LGSN: variants seen among roughly 807,000 people sequenced by gnomAD.
The protein encoded by LGSN is lengsin, lens protein with glutamine synthetase domain.
A neutral mutation model predicts 19.5 loss-of-function variants in LGSN; 21 were observed. The ratio of observed to expected loss-of-function variants is 1.07; its 90% CI spans 0.76 to 1.55. The LOEUF is 1.55. Among genes scored for constraint, LGSN ranks in the 40% most tolerant of loss-of-function variants. The pLI, the probability that LGSN is intolerant of heterozygous loss-of-function variation, is 0.00. For missense variants in LGSN, 673 were observed against 608.5 expected (o/e 1.11, Z -1.12); for synonymous variants, 257 against 215.6 (o/e 1.19, Z -1.68).
chr6:63,444,911 G>T, the LGSN span, among the ~76,000 whole-genome samples: 1 of 152,192 alleles, frequency 6.6e-6, no homozygotes, highest in African/African-American at 2.4e-5. Context: ...AGGCTGGAAG[G>T]AGGGAAAGGA....
At chr6:63,465,766 G>C in the LGSN span, among the ~76,000 whole-genome samples, 3 of 152,032 alleles carry the variant, frequency 2.0e-5, no homozygotes, top group African/African-American at 7.2e-5. Context: ...CTTTCATAAA[G>C]TTATATTGAT....
the LGSN span, among the ~76,000 whole-genome samples, chr6:63,411,323 G>A: frequency 1.3e-5 from 2 of 152,180 alleles, no homozygotes; most frequent in Non-Finnish European, 1.5e-5. Flanking sequence ...AAAGGGGATA[G>A]CAGGTAAGGA....
chr6:63,564,451 G>C, the LGSN span, among the ~76,000 whole-genome samples: 11 of 152,128 alleles, frequency 7.2e-5, no homozygotes, highest in African/African-American at 2.7e-4. Context: ...GACTGTTGTA[G>C]CTTTTGTTAA....
At chr6:63,414,234 G>A in the LGSN span, among the ~76,000 whole-genome samples, 63 of 151,414 alleles carry the variant, frequency 4.2e-4, no homozygotes, top group Non-Finnish European at 7.1e-4. Flanking sequence ...TGCACCTGAG[G>A]TGCCAAAAAA....
the LGSN span, among the ~76,000 whole-genome samples, chr6:63,349,792 A>T: frequency 6.6e-6 from 1 of 152,210 alleles, no homozygotes; most frequent in Non-Finnish European, 1.5e-5. Context: ...GATGAGATGT[A>T]CTAACGACGT....
chr6:63,387,320 G>T, the LGSN span, among the ~76,000 whole-genome samples: 19 of 152,196 alleles, frequency 1.2e-4, no homozygotes, highest in Admixed American at 9.2e-4. Context: ...CATCGGTACT[G>T]AATACATAAC....
chr6:63,529,667 A>C, the LGSN span, among the ~76,000 whole-genome samples: 7 of 152,350 alleles, frequency 4.6e-5, no homozygotes, highest in South Asian at 1.2e-3. Context: ...GCATAAAATG[A>C]AAGTTAGAAA....
chr6:63,279,870 T>G lies in LGSN; in HGVS notation c.*151A>C. The G allele has an allele frequency of 1.4e-6, 1 of 709,364 alleles. No individual in the cohort carries two copies. The highest frequency in any genetic ancestry group is 2.4e-6 in the Non-Finnish European group (1 of 423,248). The allele number at this position is 709,364 out of a possible 1,614,324, so 43.9% of individuals were successfully genotyped here. ...CTTCTCAGCAGTCCTACTTCATCTG[T>G]CAAATATTCCATGGACAAAAAAAAA... On this transcript the variant is annotated 3_prime_UTR_variant, in exon 4 of 4. Coordinates refer to ENST00000370657, the MANE Select transcript of LGSN (RefSeq NM_016571.3).
intron 3 of LGSN, among the ~76,000 whole-genome samples, chr6:63,283,761 C>T (rs1348714191): frequency 1.3e-5 from 2 of 151,892 alleles, no homozygotes; most frequent in South Asian, 2.1e-4. Flanking sequence ...AGTGCAATGG[C>T]GCGATCTCGG....
the LGSN span, among the ~76,000 whole-genome samples, chr6:63,562,457 C>T: frequency 6.6e-6 from 1 of 152,146 alleles, no homozygotes; most frequent in Non-Finnish European, 1.5e-5. Context: ...TCTTGGCCTC[C>T]CAAAGTGCTG....
At chr6:63,454,795 T>TTTTC in the LGSN span, among the ~76,000 whole-genome samples, 2 of 127,674 alleles carry the variant, frequency 1.6e-5, no homozygotes, top group East Asian at 2.3e-4. Flanking sequence ...TTCTTTTTCT[T>TTTTC]TTTTTTTTTT....
the LGSN span, among the ~76,000 whole-genome samples, chr6:63,479,317 A>C: frequency 6.6e-6 from 1 of 152,196 alleles, no homozygotes; most frequent in African/African-American, 2.4e-5. Context: ...AACATTCACT[A>C]TAATTTTTCT....
the LGSN span, among the ~76,000 whole-genome samples, chr6:63,497,363 A>C: frequency 6.6e-6 from 1 of 152,028 alleles, no homozygotes; most frequent in African/African-American, 2.4e-5. Context: ...AGCCTGACCA[A>C]CATGGTGAAA....
At chr6:63,380,879 A>C in the LGSN span, among the ~76,000 whole-genome samples, 1 of 152,100 alleles carries the variant, frequency 6.6e-6, no homozygotes, top group Non-Finnish European at 1.5e-5. Context: ...ATTTTTTTTC[A>C]GTTAAGAGAC....
intron 1 of LGSN, among the ~76,000 whole-genome samples, chr6:63,319,121 G>C (rs1408886487): frequency 6.6e-6 from 1 of 152,164 alleles, no homozygotes; most frequent in African/African-American, 2.4e-5. Flanking sequence ...TCACTATACA[G>C]ATCAGTGAAC....
At chr6:63,283,975 C>T (rs1767427264) in intron 3 of LGSN, among the ~76,000 whole-genome samples, 1 of 152,196 alleles carries the variant, frequency 6.6e-6, no homozygotes, top group Non-Finnish European at 1.5e-5. Context: ...GCTGGGATTA[C>T]AGGCATGAGC....
the LGSN span, chr6:63,571,619 T>C: frequency 6.6e-6 from 1 of 152,220 alleles, no homozygotes; most frequent in Non-Finnish European, 1.5e-5. Context: ...CTAAAAACGC[T>C]TTCTTTAAGC....
intron 1 of LGSN, among the ~76,000 whole-genome samples, chr6:63,298,582 A>AT (rs1768069649): frequency 6.6e-6 from 1 of 152,142 alleles, no homozygotes; most frequent in African/African-American, 2.4e-5. Flanking sequence ...GCCAAAACCA[A>AT]TTTTCAATAT....
the LGSN span, among the ~76,000 whole-genome samples, chr6:63,336,561 G>GTGTGTA: frequency 1.5e-3 from 185 of 127,568 alleles, no homozygotes; most frequent in South Asian, 3.0e-3. Context: ...GTGTGTGTGT[G>GTGTGTA]TATATATATA....
Sources: gnomAD v4.1 joint callset for allele counts (sites outside exome capture counted in the v4.1 genomes callset) on GRCh38, gnomAD v4.1.1 for gene constraint, MANE v1.5 for transcripts, NCBI Gene and HGNC (gene_info 2026-07-23, HGNC 2026-07-21) for gene names.